Variants in NCOR1 observed in about 807,000 individuals in gnomAD.
The protein encoded by NCOR1 is nuclear receptor corepressor 1, also known as protein phosphatase 1, regulatory subunit 109.
A neutral mutation model predicts 288.1 loss-of-function variants in NCOR1; 63 were observed. The observed-to-expected ratio is 0.22, with a 90% confidence interval of 0.18 to 0.27. NCOR1 has a LOEUF of 0.27. Among genes scored for constraint, NCOR1 ranks in the 10% least tolerant of loss-of-function variants. The pLI is 1.00. For missense variants in NCOR1, 2,397 were observed against 3,019.2 expected, an observed-to-expected ratio of 0.79 and a Z score of 4.83; for synonymous variants, 1,007 against 1,065.9, an observed-to-expected ratio of 0.94 and a Z score of 1.08.
At chr17:16,103,444 C>G (rs1367203582) in intron 19 of NCOR1, among the ~76,000 whole-genome samples, 1 of 152,180 alleles carries the variant, frequency 6.6e-6, no homozygotes, top group South Asian at 2.1e-4. Context: ...ATAACTCACT[C>G]TCTCACTCTC....
At chr17:16,206,294 TCACA>T (rs529936121) in intron 1 of NCOR1, among the ~76,000 whole-genome samples, 1 of 147,984 alleles carries the variant, frequency 6.8e-6, no homozygotes, top group Non-Finnish European at 1.5e-5. Context: ...GCATAAATAT[TCACA>T]CACACACACA....
At chr17:16,174,519 T>A (rs1212880610) in intron 3 of NCOR1, among the ~76,000 whole-genome samples, 1 of 152,140 alleles carries the variant, frequency 6.6e-6, no homozygotes, top group Admixed American at 6.5e-5. Context: ...GAGAAGAAAC[T>A]AAGGTACCAA....
chr17:16,162,965 C>T (rs935107186), intron 5 of NCOR1, among the ~76,000 whole-genome samples: 1 of 152,030 alleles, frequency 6.6e-6, no homozygotes, highest in Non-Finnish European at 1.5e-5. Flanking sequence ...GTAAAACTAC[C>T]TTAATAACCC....
intron 7 of NCOR1, among the ~76,000 whole-genome samples, chr17:16,152,311 AC>A (rs1439814519): frequency 1.4e-5 from 2 of 147,104 alleles, no homozygotes; most frequent in African/African-American, 5.1e-5. Flanking sequence ...CCCATGCCCC[AC>A]CCCCTGACAG....
chr17:16,190,716 A>G (rs564152871), intron 2 of NCOR1, among the ~76,000 whole-genome samples: 2 of 152,328 alleles, frequency 1.3e-5, no homozygotes, highest in East Asian at 1.9e-4. Flanking sequence ...TAAAAGTAAC[A>G]ACAGTGTACT....
chr17:16,158,693 C>T, intron 6 of NCOR1, 67 bp downstream of exon 6: 1 of 918,994 alleles, frequency 1.1e-6, no homozygotes, highest in Non-Finnish European at 1.7e-6. Flanking sequence ...AGGATACATT[C>T]AAAACTGAAA....
intron 28 of NCOR1, among the ~76,000 whole-genome samples, chr17:16,072,987 C>T (rs2061944791): frequency 6.6e-6 from 1 of 152,310 alleles, no homozygotes; most frequent in South Asian, 2.1e-4. Flanking sequence ...GAGGAAGAAA[C>T]AGGCTCAAAG....
In NCOR1 at chr17:16,108,815, T is replaced by A. The variant is rs563040992; in HGVS notation, c.2153A>T (p.Asn718Ile). ...AQEDEDIEASNEEENPEDSEV... is the reference protein window; with the variant it reads ...AQEDEDIEASIEEENPEDSEV... ...GCTGTCTTCTGGATTTTCTTCTTCA[T>A]TGGAGGCTTCAATATCTTCATCCTC... Residue 718 changes from asparagine to isoleucine, a missense_variant, in exon 19 of 46, where the codon AAT becomes ATT. By Grantham distance (149) the Asn-to-Ile change is moderately radical (BLOSUM62 -3). Around this residue, in one of 11 missense-constraint regions of NCOR1, gnomAD observed 1,872 missense variants for 2,187.8 expected, o/e 0.86. Coordinates refer to ENST00000268712, the MANE Select transcript of NCOR1 (RefSeq NM_006311.4). 1 of 1,605,878 alleles carries A rather than the reference T, an allele frequency of 6.2e-7. No homozygotes were observed. The highest frequency in any genetic ancestry group is 2.2e-5 in the East Asian group (1 of 44,734).
At chr17:16,177,263 TA>T (rs2084384013) in intron 3 of NCOR1, among the ~76,000 whole-genome samples, 1 of 152,090 alleles carries the variant, frequency 6.6e-6, no homozygotes, top group Admixed American at 6.5e-5. Context: ...TAAGTTCTTT[TA>T]TAGAAGAAAT....
At chr17:16,041,732 AATTT>A (rs1296026149) in intron 42 of NCOR1, among the ~76,000 whole-genome samples, 1 of 147,732 alleles carries the variant, frequency 6.8e-6, no homozygotes, top group African/African-American at 2.5e-5. Context: ...GAAATTAATT[AATTT>A]ATTAATTAAT....
chr17:16,103,166 G>A (rs1033488333), intron 19 of NCOR1, among the ~76,000 whole-genome samples: 4 of 152,088 alleles, frequency 2.6e-5, no homozygotes, highest in Admixed American at 6.5e-5. Flanking sequence ...ATAACCACTC[G>A]CAAATCAGAT....
Position 16,208,206 on chromosome 17 carries a change from ATTTTTT to A in NCOR1, c.-71+7150_-71+7155del, listed in dbSNP as rs757019446. Among the ~76,000 whole-genome samples, 22 of 65,548 alleles carry A rather than the reference ATTTTTT, an allele frequency of 3.4e-4. 1 individual carries two copies. Among genetic ancestry groups the A allele is most frequent in the East Asian group, 3.9e-4 (1 of 2,590 alleles). The allele number at this position is 65,548 out of a possible 152,430, so 43.0% of individuals were successfully genotyped here. A position where few individuals can be genotyped will look rare whatever the true frequency, so the allele number is the denominator to read the frequency against. ...CAGGCGCGTGCCACCATGCCCAGCT[ATTTTTT>A]TTTTTTTTTTTTTTTTTTTGTATTT... On this transcript the variant is annotated intron_variant, in intron 1 of 45. Transcript: ENST00000268712.
intron 1 of NCOR1, among the ~76,000 whole-genome samples, chr17:16,204,843 C>T (rs2091292369): frequency 6.6e-6 from 1 of 152,248 alleles, no homozygotes; most frequent in South Asian, 2.1e-4. Context: ...CAAGGTCCCA[C>T]AGCAGCATGG....
intron 1 of NCOR1, among the ~76,000 whole-genome samples, chr17:16,212,813 T>C (rs946836189): frequency 6.6e-6 from 1 of 152,080 alleles, no homozygotes; most frequent in Non-Finnish European, 1.5e-5. Context: ...GGCTCACCCC[T>C]ATCATCCTAG....
At chr17:16,091,822 C>T (rs1447835547) in intron 22 of NCOR1, 41 bp downstream of exon 22, 1 of 1,612,116 alleles carries the variant, frequency 6.2e-7, no homozygotes. Context: ...GCTTTATTTC[C>T]CTTCATAAAA....
At position 16,040,514 on chromosome 17, in the gene NCOR1, C is replaced by A; in HGVS notation, c.6680-20G>T. On this transcript the variant is annotated intron_variant, in intron 42 of 45. Coordinates refer to ENST00000268712, the MANE Select transcript of NCOR1 (RefSeq NM_006311.4). ...CAGCTGCTATATTTAAGCAAACATT[C>A]AAGTTAATTAAGATGTGATAATCAT... 6.2e-7 allele frequency: 1 copy of A among 1,609,216 alleles called. No individual in the cohort carries two copies. Among genetic ancestry groups the A allele is most frequent in the Non-Finnish European group, 8.5e-7 (1 of 1,176,750 alleles).
rs1283451096 is a variant in NCOR1, at chr17:16,039,492, G to T, written c.6896C>A (p.Thr2299Asn). 3 of 1,614,058 alleles carry T rather than the reference G, an allele frequency of 1.9e-6. No individual in the cohort carries two copies. Among genetic ancestry groups the T allele is most frequent in the Non-Finnish European group, 1.7e-6 (2 of 1,179,994 alleles). Residue 2299 changes from threonine (T) to asparagine (N), a missense_variant, in exon 44 of 46, where the codon ACC becomes AAC. Coordinates refer to ENST00000268712, the MANE Select transcript of NCOR1 (RefSeq NM_006311.4). Reference protein sequence around the residue: ...PMGVVPGTANTSVVTSGETRR... With the variant: ...PMGVVPGTANNSVVTSGETRR... ...TGTCTCACCACTGGTCACAACTGAG[G>T]TGTTGGCAGTACCAGGCACTACTCC...
chr17:16,111,447 C>T lies in NCOR1; in HGVS notation c.2056-2535G>A, dbSNP rs577568386. Reference sequence around the variant, plus strand: ...TGAAACCCCGTCTCTACTAAAAATACAAACATTAGTCAGGCATGGTGGTGT... The same window carrying T: ...TGAAACCCCGTCTCTACTAAAAATATAAACATTAGTCAGGCATGGTGGTGT... On this transcript the variant is annotated intron_variant, in intron 18 of 45. Coordinates refer to ENST00000268712, the MANE Select transcript of NCOR1 (RefSeq NM_006311.4). Among the ~76,000 whole-genome samples, 4 of 151,884 alleles carry T rather than the reference C, an allele frequency of 2.6e-5. No individual in the cohort carries two copies. In the South Asian group the frequency reaches 8.4e-4, roughly 32 times the overall value.
At position 16,101,523 on chromosome 17, in the gene NCOR1, T is replaced by C; in HGVS notation, c.2417A>G (p.Glu806Gly). The C allele has an allele frequency of 6.2e-7, 1 of 1,614,194 alleles. No homozygotes were observed. The highest frequency in any genetic ancestry group is 8.5e-7 in the Non-Finnish European group (1 of 1,180,036). The change falls in exon 20 of 46, where the codon GAA becomes GGA. Residue 806 changes from glutamate (E) to glycine (G), a missense_variant. By Grantham distance (98) the Glu-to-Gly change is moderately conservative. Around this residue, in one of 11 missense-constraint regions of NCOR1, gnomAD observed 1,872 missense variants for 2,187.8 expected, o/e 0.86. Coordinates refer to ENST00000268712, the MANE Select transcript of NCOR1 (RefSeq NM_006311.4). The stretch of plus-strand genomic sequence containing the variant: ...TGGGGGATCACAAACAGAACCCTCT[T>C]CAGCACTGTGCTCCTGCTGATCTAC... ...MDVDQQEHSA[E>G]EGSVCDPPPA...
Sources: allele counts gnomAD v4.1 joint callset (sites outside exome capture counted in the v4.1 genomes callset), GRCh38; gene constraint gnomAD v4.1.1; regional missense constraint gnomAD v4.1.1; transcripts MANE v1.5; gene names NCBI Gene and HGNC (gene_info 2026-07-23, HGNC 2026-07-21).